GBF1: variants seen among roughly 807,000 people sequenced by gnomAD.
GBF1 encodes the protein golgi brefeldin A resistant guanine nucleotide exchange factor 1, also known as Golgi-specific brefeldin A-resistance guanine nucleotide exchange factor 1.
In GBF1, 114 loss-of-function variants were observed where a neutral mutation model predicts 210.5. The ratio of observed to expected loss-of-function variants is 0.54; its 90% CI spans 0.47 to 0.63. GBF1 has a LOEUF of 0.63. Among genes scored for constraint, GBF1 ranks in the 30% least tolerant of loss-of-function variants. The pLI is 0.00. For synonymous variants in GBF1, 850 were observed against 889.2 expected (o/e 0.96, Z 0.78); for missense variants, 1,851 against 2,357.7 (o/e 0.79, Z 4.45).
At chr10:102,358,450 T>G (rs2059412512) in intron 9 of GBF1, 56 bp from the exon 10 acceptor site, 1 of 1,230,404 alleles carries the variant, frequency 8.1e-7, no homozygotes, top group African/African-American at 1.5e-5. Flanking sequence ...ATAGAGGGTT[T>G]GTTTTGCCCA....
chr10:102,351,572 G>T (rs745603858), intron 5 of GBF1, among the ~76,000 whole-genome samples, 198 bp downstream of exon 5: 18 of 152,122 alleles, frequency 1.2e-4, no homozygotes, highest in Non-Finnish European at 1.0e-4. Flanking sequence ...TATATGAAGT[G>T]ATGTCAAATA....
In GBF1 at chr10:102,366,287, C is replaced by T; in HGVS notation, c.2310-96C>T. ...TTTACTAGAGACCTCAGCCTCCTCTCTTCCAGTAAGAGTAGGTTAGGAGGA... is the reference window on the plus strand; with the variant it reads ...TTTACTAGAGACCTCAGCCTCCTCTTTTCCAGTAAGAGTAGGTTAGGAGGA... On this transcript the variant is annotated intron_variant, in intron 18 of 39. Coordinates refer to ENST00000369983, the MANE Select transcript of GBF1 (RefSeq NM_001377137.1). The surrounding 1 kb of genome is among the most constrained non-coding windows in gnomAD (Gnocchi z 4.0). 1.5e-6 allele frequency: 2 copies of T among 1,354,826 alleles called. No individual in the cohort carries two copies. The highest frequency in any genetic ancestry group is 2.1e-6 in the Non-Finnish European group (2 of 958,838). 83.9% of individuals were successfully genotyped at this position (1,354,826 alleles called of 1,614,324 possible).
the GBF1 span, among the ~76,000 whole-genome samples, chr10:102,235,189 C>T: frequency 6.9e-6 from 1 of 145,100 alleles, no homozygotes; most frequent in African/African-American, 2.6e-5. Flanking sequence ...ACCCCCCCAC[C>T]GCCTCCCTGG....
At position 102,369,930 on chromosome 10, in the gene GBF1, G is replaced by A. The variant is rs775710538; in HGVS notation, c.3285G>A (p.Arg1095=). The change falls in exon 26 of 40, where the codon CGG becomes CGA. Residue 1095 remains arginine (R), a synonymous_variant. Transcript: ENST00000369983. ...GTGGTCCTGAGCAGTCTAGTGTTCG[G>A]GGCCCATCCACTGAAAACCAAGAGG... ...TLSGPEQSSV[R]GPSTENQEAK... 6.2e-7 allele frequency: 1 copy of A among 1,614,064 alleles called. No individual in the cohort carries two copies. Among genetic ancestry groups the A allele is most frequent in the South Asian group, 1.1e-5 (1 of 91,078 alleles).
the GBF1 span, chr10:102,232,101 G>A: frequency 6.8e-7 from 1 of 1,475,342 alleles, no homozygotes. Context: ...CTCTGGAGGC[G>A]AGAGAAGACA....
intron 3 of GBF1, among the ~76,000 whole-genome samples, chr10:102,324,677 T>G (rs2056744635): frequency 6.6e-6 from 1 of 151,976 alleles, no homozygotes; most frequent in South Asian, 2.1e-4. Context: ...GCCTCCACCT[T>G]CCAGGTTCAA....
At chr10:102,309,577 G>T (rs1308010303) in intron 3 of GBF1, among the ~76,000 whole-genome samples, 1 of 152,182 alleles carries the variant, frequency 6.6e-6, no homozygotes, top group Non-Finnish European at 1.5e-5. Context: ...GTTCTCATTT[G>T]TAAGTGAGAT....
chr10:102,279,252 C>A (rs949673692), intron 3 of GBF1, among the ~76,000 whole-genome samples: 1 of 152,186 alleles, frequency 6.6e-6, no homozygotes, highest in African/African-American at 2.4e-5. Flanking sequence ...TGACTTGGAA[C>A]TTGGTAATTT....
intron 12 of GBF1, among the ~76,000 whole-genome samples, chr10:102,360,640 T>C (rs1422170647): frequency 2.6e-5 from 4 of 152,198 alleles, no homozygotes; most frequent in Admixed American, 6.5e-5. Flanking sequence ...TCACTCAGTT[T>C]GCCTCTTCTG....
chr10:102,279,347 C>T (rs888897375), intron 3 of GBF1, among the ~76,000 whole-genome samples: 4 of 152,194 alleles, frequency 2.6e-5, no homozygotes, highest in African/African-American at 7.2e-5. Flanking sequence ...AGACTGACAA[C>T]AGCCATGTGA....
At chr10:102,379,465 T>G in intron 34 of GBF1, 31 bp downstream of exon 34, 1 of 1,613,988 alleles carries the variant, frequency 6.2e-7, no homozygotes, top group Non-Finnish European at 8.5e-7. Flanking sequence ...GTAGGGAGTT[T>G]GGGGAGCATC....
chr10:102,281,117 G>A (rs1402052074), intron 3 of GBF1, among the ~76,000 whole-genome samples: 6 of 152,082 alleles, frequency 3.9e-5, no homozygotes, highest in Admixed American at 2.0e-4. Flanking sequence ...ATAAATTATC[G>A]TACCCATGCC....
chr10:102,325,797 A>G (rs886716108), intron 3 of GBF1, among the ~76,000 whole-genome samples: 2 of 151,988 alleles, frequency 1.3e-5, no homozygotes, highest in Non-Finnish European at 2.9e-5. Context: ...TTACAGGCAC[A>G]TGCCACCACA....
At chr10:102,303,201 T>C (rs1474615426) in intron 3 of GBF1, among the ~76,000 whole-genome samples, 1 of 152,190 alleles carries the variant, frequency 6.6e-6, no homozygotes, top group Non-Finnish European at 1.5e-5. Flanking sequence ...TTGGCCAGGC[T>C]GGTCTCAAAC....
chr10:102,314,043 G>C (rs931584393), intron 3 of GBF1, among the ~76,000 whole-genome samples: 1 of 151,388 alleles, frequency 6.6e-6, no homozygotes, highest in African/African-American at 2.4e-5. Flanking sequence ...TTCTGTGCAT[G>C]TAAAGTCAAA....
chr10:102,269,880 A>ATTT (rs776817923), intron 3 of GBF1, among the ~76,000 whole-genome samples: 3 of 141,896 alleles, frequency 2.1e-5, no homozygotes, highest in Non-Finnish European at 4.6e-5. Context: ...ATTCTCTCCA[A>ATTT]TTTTTTTTTT....
chr10:102,250,841 C>T (rs1489364397), intron 1 of GBF1, among the ~76,000 whole-genome samples: 1 of 152,040 alleles, frequency 6.6e-6, no homozygotes, highest in Non-Finnish European at 1.5e-5. Flanking sequence ...CCTGTAATCC[C>T]AGCTACTCGG....
Position 102,369,692 on chromosome 10 carries a change from T to G in GBF1, c.3151-19T>G. On this transcript the variant is annotated intron_variant, in intron 24 of 39. Transcript: ENST00000369983. ...GCAAAGGACACATGGAAAGAAATTA[T>G]TTTGACTTACTTTTCCAGGTAGAAG... The G allele has an allele frequency of 6.2e-7, 1 of 1,611,402 alleles. No individual in the cohort carries two copies. The highest frequency in any genetic ancestry group is 8.5e-7 in the Non-Finnish European group (1 of 1,177,518).
intron 1 of GBF1, among the ~76,000 whole-genome samples, chr10:102,247,637 TTC>T (rs2071010796): frequency 6.6e-6 from 1 of 152,148 alleles, no homozygotes; most frequent in Non-Finnish European, 1.5e-5. Context: ...CGTTTTCTCT[TTC>T]TCTCTCTTTC....
Sources: allele counts gnomAD v4.1 joint callset (sites outside exome capture counted in the v4.1 genomes callset), GRCh38; gene constraint gnomAD v4.1.1; non-coding constraint Gnocchi (gnomAD v3.1); transcripts MANE v1.5; gene names NCBI Gene and HGNC (gene_info 2026-07-23, HGNC 2026-07-21).